SUSD5: variants seen among roughly 807,000 people sequenced by gnomAD.
SUSD5 encodes the protein sushi domain-containing protein 5.
In SUSD5, 33 loss-of-function variants were observed where a neutral mutation model predicts 29.5. That is an observed-to-expected ratio of 1.12 (90% CI 0.85 to 1.49). The LOEUF is 1.49. Ranked by LOEUF, SUSD5 falls within the 40% of genes most tolerant of loss-of-function variation. SUSD5 has a pLI of 0.00. For missense variants in SUSD5, 776 were observed against 800.6 expected (o/e 0.97, Z 0.37); for synonymous variants, 308 against 325.3 (o/e 0.95, Z 0.57).
At chr3:33,200,435 A>T (rs1362380550) in intron 3 of SUSD5, among the ~76,000 whole-genome samples, 1 of 152,196 alleles carries the variant, frequency 6.6e-6, no homozygotes, top group African/African-American at 2.4e-5. Flanking sequence ...AAGCTAGAAA[A>T]GTTTTGAGGT....
chr3:33,190,691 C>A (rs2031872775), intron 3 of SUSD5, among the ~76,000 whole-genome samples: 1 of 152,138 alleles, frequency 6.6e-6, no homozygotes. Context: ...AAACTGAGGG[C>A]ACTTGGGGGA....
chr3:33,160,007 C>G (rs933118212), intron 4 of SUSD5, among the ~76,000 whole-genome samples: 3 of 152,072 alleles, frequency 2.0e-5, no homozygotes, highest in Non-Finnish European at 4.4e-5. Flanking sequence ...GAGAACCAGA[C>G]CAGTAACCAG....
chr3:33,195,714 GGGGA>G (rs1209214590), intron 3 of SUSD5, among the ~76,000 whole-genome samples: 2 of 150,160 alleles, frequency 1.3e-5, no homozygotes, highest in African/African-American at 2.5e-5. Context: ...TCAATGTCAT[GGGGA>G]GATATAGATC....
intron 3 of SUSD5, among the ~76,000 whole-genome samples, chr3:33,201,219 A>T (rs116476194): frequency 3.5e-4 from 53 of 152,326 alleles, no homozygotes; most frequent in African/African-American, 1.2e-3. Flanking sequence ...GGATCAGCAG[A>T]GGCTTAAGAA....
intron 3 of SUSD5, among the ~76,000 whole-genome samples, chr3:33,181,378 G>A (rs373749172): frequency 1.7e-5 from 2 of 115,614 alleles, no homozygotes; most frequent in East Asian, 4.8e-4. Context: ...TTTTGCATTT[G>A]TTTGGTTTTT....
At chr3:33,173,624 T>C (rs1339791728) in intron 4 of SUSD5, among the ~76,000 whole-genome samples, 3 of 152,248 alleles carry the variant, frequency 2.0e-5, no homozygotes, top group Admixed American at 2.0e-4. Flanking sequence ...ATCTGAGTTC[T>C]CTCATGGGAT....
At chr3:33,199,843 A>T (rs1387916185) in intron 3 of SUSD5, among the ~76,000 whole-genome samples, 1 of 152,196 alleles carries the variant, frequency 6.6e-6, no homozygotes, top group Non-Finnish European at 1.5e-5. Context: ...TAACAGTATT[A>T]AGAGGTGGAC....
chr3:33,210,466 T>C (rs1228157448), intron 2 of SUSD5, among the ~76,000 whole-genome samples: 8 of 152,246 alleles, frequency 5.3e-5, no homozygotes, highest in Admixed American at 2.6e-4. Context: ...CCACACTTTA[T>C]GGAATCTGCA....
chr3:33,211,039 A>G (rs2032313304), intron 2 of SUSD5, among the ~76,000 whole-genome samples: 1 of 151,978 alleles, frequency 6.6e-6, no homozygotes, highest in African/African-American at 2.4e-5. Context: ...ATGCCCAGCT[A>G]AGTTTTGTAT....
intron 4 of SUSD5, 28 bp downstream of exon 4, chr3:33,174,858 G>T (rs4257493): frequency 1.4e-5 from 22 of 1,609,770 alleles, no homozygotes; most frequent in Non-Finnish European, 1.9e-5. Flanking sequence ...GTGGGCACGC[G>T]AAGGTGGCCC....
At chr3:33,215,686 T>C (rs867060481) in intron 1 of SUSD5, among the ~76,000 whole-genome samples, 1 of 152,342 alleles carries the variant, frequency 6.6e-6, no homozygotes, top group Middle Eastern at 3.4e-3. Flanking sequence ...CACTTGGTTA[T>C]ACTGCCTCTC....
chr3:33,217,231 A>C (rs1355537287), intron 1 of SUSD5, among the ~76,000 whole-genome samples: 1 of 152,240 alleles, frequency 6.6e-6, no homozygotes, highest in Non-Finnish European at 1.5e-5. Flanking sequence ...AAAGATTAAT[A>C]TTAGCTCCAA....
intron 4 of SUSD5, among the ~76,000 whole-genome samples, chr3:33,164,872 A>G (rs535086245): frequency 5.9e-5 from 9 of 152,178 alleles, no homozygotes; most frequent in Admixed American, 5.2e-4. Context: ...GTTGATGGGG[A>G]GGTAAGGCTC....
chr3:33,191,198 C>G (rs773484521), intron 3 of SUSD5, among the ~76,000 whole-genome samples: 3 of 151,284 alleles, frequency 2.0e-5, no homozygotes, highest in Admixed American at 1.3e-4. Context: ...GGCATGATCT[C>G]GGCTCACTAC....
intron 1 of SUSD5, among the ~76,000 whole-genome samples, chr3:33,217,963 T>A (rs934453912): frequency 6.6e-6 from 1 of 152,216 alleles, no homozygotes; most frequent in Non-Finnish European, 1.5e-5. Context: ...GATACAGAGC[T>A]CCAATCCTGC....
At position 33,152,612 on chromosome 3, in the gene SUSD5, A is replaced by G; in HGVS notation, c.*130T>C. 1 of 1,054,740 alleles carries G rather than the reference A, an allele frequency of 9.5e-7. No individual in the cohort carries two copies. Among genetic ancestry groups the G allele is most frequent in the Admixed American group, 2.9e-5 (1 of 34,382 alleles). The allele number at this position is 1,054,740 out of a possible 1,614,324, so 65.3% of individuals were successfully genotyped here. A position where few individuals can be genotyped will look rare whatever the true frequency, so the allele number is the denominator to read the frequency against. On this transcript the variant is annotated 3_prime_UTR_variant, in exon 5 of 5. Transcript: ENST00000309558. ...GTGCTCCAGAGACACTTCTCAGCCT[A>G]TAAAACAAAGGGCTGAGGAAAAAAT...
chr3:33,192,528 C>T (rs926206075), intron 3 of SUSD5, among the ~76,000 whole-genome samples: 1 of 151,918 alleles, frequency 6.6e-6, no homozygotes, highest in South Asian at 2.1e-4. Context: ...ATACAATAAT[C>T]CAGGCTAGGT....
chr3:33,189,478 C>CA (rs71630568), intron 3 of SUSD5, among the ~76,000 whole-genome samples: 5,157 of 91,074 alleles, frequency 0.057, 478 homozygotes, highest in African/African-American at 0.17. Context: ...CTCTCCTTCT[C>CA]AAAAAAAAAA....
At chr3:33,218,557 C>T in intron 1 of SUSD5, 129 bp downstream of exon 1, 2 of 840,520 alleles carry the variant, frequency 2.4e-6, no homozygotes, top group Non-Finnish European at 3.2e-6. Context: ...GACCGCGGCT[C>T]GTTCGTTCCT....
Sources: allele counts gnomAD v4.1 joint callset (sites outside exome capture counted in the v4.1 genomes callset), GRCh38; gene constraint gnomAD v4.1.1; transcripts MANE v1.5; gene names NCBI Gene and HGNC (gene_info 2026-07-23, HGNC 2026-07-21).